C3orf70: variants seen among roughly 807,000 people sequenced by gnomAD.
The protein encoded by C3orf70 is UPF0524 protein C3orf70.
C3orf70 carries 15 observed loss-of-function variants against 20.7 expected under a neutral mutation model. That is an observed-to-expected ratio of 0.72 (90% CI 0.48 to 1.11). The LOEUF is 1.11. C3orf70 is among the 50% of genes most tolerant of loss of function. C3orf70 has a pLI of 0.00. For synonymous variants in C3orf70, 161 were observed against 125.7 expected (o/e 1.28, Z -1.88); for missense variants, 332 against 317.6 (o/e 1.05, Z -0.34).
intron 1 of C3orf70, among the ~76,000 whole-genome samples, chr3:185,143,409 T>G (rs1321899996): frequency 6.6e-6 from 1 of 152,172 alleles, no homozygotes; most frequent in African/African-American, 2.4e-5. Flanking sequence ...TATACAGAAG[T>G]ACATCTGTAT....
chr3:185,088,403 T>C (rs577649514), intron 1 of C3orf70, among the ~76,000 whole-genome samples: 2 of 152,356 alleles, frequency 1.3e-5, no homozygotes, highest in South Asian at 4.1e-4. Context: ...ATCTTGCCTG[T>C]ATTCATGTCA....
At chr3:185,115,720 T>C (rs556840796) in intron 1 of C3orf70, among the ~76,000 whole-genome samples, 171 of 152,338 alleles carry the variant, frequency 1.1e-3, no homozygotes, top group South Asian at 1.9e-3. Flanking sequence ...GTATGGCTTA[T>C]AAACAAAAGA....
rs1017646599 is a variant in C3orf70 at position 185,079,245 on chromosome 3, C to T, written c.*3762G>A. On this transcript the variant is annotated 3_prime_UTR_variant, in exon 2 of 2. Coordinates refer to ENST00000335012, the MANE Select transcript of C3orf70 (RefSeq NM_001025266.3). ...GCAGTGAGCCGAGATCGCGCCACTGCACTCCAGCCTGGGTGAAGGAGCGAG... is the reference window on the plus strand; with the variant it reads ...GCAGTGAGCCGAGATCGCGCCACTGTACTCCAGCCTGGGTGAAGGAGCGAG... 6.5e-5 allele frequency: 9 copies of T among 138,070 alleles called. No individual in the cohort carries two copies. Among genetic ancestry groups the T allele is most frequent in the Non-Finnish European group, 1.4e-4 (9 of 66,162 alleles). The allele number at this position is 138,070 out of a possible 1,614,324, so 8.6% of individuals were successfully genotyped here.
intron 1 of C3orf70, among the ~76,000 whole-genome samples, chr3:185,106,948 T>TA (rs1715957526): frequency 6.6e-6 from 1 of 152,198 alleles, no homozygotes; most frequent in Non-Finnish European, 1.5e-5. Context: ...GGACAGTGTA[T>TA]AGCACAGCTC....
chr3:185,097,510 C>A (rs1715733526), intron 1 of C3orf70, among the ~76,000 whole-genome samples: 1 of 152,156 alleles, frequency 6.6e-6, no homozygotes, highest in Non-Finnish European at 1.5e-5. Flanking sequence ...CCTGAAAGAA[C>A]AAGCTTAGGA....
Position 185,127,481 on chromosome 3 carries a change from C to T in C3orf70, c.196+25147G>A, listed in dbSNP as rs144351500. 2.6e-5 allele frequency among the ~76,000 whole-genome samples: 4 copies of T among 152,088 alleles called. No individual in the cohort carries two copies. The East Asian group carries it at 7.7e-4, about 29-fold the overall frequency. On this transcript the variant is annotated intron_variant, in intron 1 of 1. Coordinates refer to ENST00000335012, the MANE Select transcript of C3orf70 (RefSeq NM_001025266.3). Reference sequence around the variant, plus strand: ...TGAGATGGAGTCTCATTCTTGTCACCCAGGATGGAGTGCAGTGGCGCGATC... The same window carrying T: ...TGAGATGGAGTCTCATTCTTGTCACTCAGGATGGAGTGCAGTGGCGCGATC...
At chr3:185,089,433 G>A (rs1715520204) in intron 1 of C3orf70, among the ~76,000 whole-genome samples, 1 of 152,096 alleles carries the variant, frequency 6.6e-6, no homozygotes, top group African/African-American at 2.4e-5. Context: ...GGCAGTAGAA[G>A]ACATTACTCG....
Position 185,082,882 on chromosome 3 carries a change from A to G in C3orf70, c.*125T>C. On this transcript the variant is annotated 3_prime_UTR_variant, in exon 2 of 2. Transcript: ENST00000335012. ...CTAATCAGCATACCACTGAACTGCT[A>G]CGGTTGTTGGTTGGAGCGGGGCGGG... 3 of 850,402 alleles carry G rather than the reference A, an allele frequency of 3.5e-6. No individual in the cohort carries two copies. Among genetic ancestry groups the G allele is most frequent in the Non-Finnish European group, 5.6e-6 (3 of 533,306 alleles). The allele number at this position is 850,402 out of a possible 1,614,324, so 52.7% of individuals were successfully genotyped here. A position where few individuals can be genotyped will look rare whatever the true frequency, so the allele number is the denominator to read the frequency against.
chr3:185,111,092 G>A (rs1716062675), intron 1 of C3orf70, among the ~76,000 whole-genome samples: 1 of 152,028 alleles, frequency 6.6e-6, no homozygotes, highest in Admixed American at 6.6e-5. Flanking sequence ...CTCACACTAA[G>A]TACAAAAAGC....
intron 1 of C3orf70, among the ~76,000 whole-genome samples, chr3:185,135,228 G>GA (rs142195254): frequency 7.8e-4 from 117 of 149,194 alleles, no homozygotes; most frequent in Admixed American, 6.1e-3. Flanking sequence ...AAGCAACCAT[G>GA]AAAAAAAAAA....
chr3:185,102,445 T>C (rs7652980), intron 1 of C3orf70, among the ~76,000 whole-genome samples: 7,911 of 152,258 alleles, frequency 0.052, 667 homozygotes, highest in African/African-American at 0.18. Flanking sequence ...CCATGCTTGT[T>C]ATTAGAAAGA....
chr3:185,091,711 G>A (rs1272243964), intron 1 of C3orf70, among the ~76,000 whole-genome samples: 1 of 149,670 alleles, frequency 6.7e-6, no homozygotes, highest in African/African-American at 2.5e-5. Context: ...TGGAGGCAGA[G>A]TCTTGCTCTG....
Position 185,083,014 on chromosome 3 carries a change from GTCGTTTCTA to G in C3orf70, c.737_745del (p.Ile246_Thr248del), listed in dbSNP as rs780699508. The G allele has an allele frequency of 3.1e-6, 5 of 1,613,222 alleles. No homozygotes were observed. Among genetic ancestry groups the G allele is most frequent in the Middle Eastern group, 1.7e-4 (1 of 5,924 alleles). On this transcript the variant is annotated inframe_deletion, in exon 2 of 2. Transcript: ENST00000335012. ...GGCTTCCTGTCTGGACTCTCACACAGTCGTTTCTATCGTTTCAATCACTTCCAGGTCAGA... is the reference window on the plus strand; with the variant it reads ...GGCTTCCTGTCTGGACTCTCACACAGTCGTTTCAATCACTTCCAGGTCAGA...
At chr3:185,119,662 C>T (rs1428805152) in intron 1 of C3orf70, among the ~76,000 whole-genome samples, 4 of 151,994 alleles carry the variant, frequency 2.6e-5, no homozygotes, top group African/African-American at 4.8e-5. Context: ...AAAAGTACAT[C>T]ACTAATCTAT....
chr3:185,151,547 A>G (rs866646151), intron 1 of C3orf70, among the ~76,000 whole-genome samples: 1 of 152,332 alleles, frequency 6.6e-6, no homozygotes, highest in Middle Eastern at 3.4e-3. Context: ...ATGTGCCTGG[A>G]ATTTGTAAAG....
At chr3:185,127,288 T>G (rs1716431165) in intron 1 of C3orf70, among the ~76,000 whole-genome samples, 1 of 152,222 alleles carries the variant, frequency 6.6e-6, no homozygotes, top group African/African-American at 2.4e-5. Flanking sequence ...AAGGTGTTAC[T>G]GAAAAACTAA....
At chr3:185,144,451 TTTGC>T (rs1463327036) in intron 1 of C3orf70, among the ~76,000 whole-genome samples, 1 of 152,182 alleles carries the variant, frequency 6.6e-6, no homozygotes. Flanking sequence ...CACTAAGTAC[TTTGC>T]TTGCAATATA....
chr3:185,111,009 G>A (rs1009654513), intron 1 of C3orf70, among the ~76,000 whole-genome samples: 3 of 152,030 alleles, frequency 2.0e-5, no homozygotes, highest in South Asian at 2.1e-4. Flanking sequence ...TTCCTCTAGC[G>A]CTGCCGGGTT....
At chr3:185,086,294 T>G (rs1715458025) in intron 1 of C3orf70, among the ~76,000 whole-genome samples, 1 of 152,218 alleles carries the variant, frequency 6.6e-6, no homozygotes, top group Non-Finnish European at 1.5e-5. Flanking sequence ...AAGCTCTGTT[T>G]TTCTTTCTTG....
Sources: allele counts gnomAD v4.1 joint callset (sites outside exome capture counted in the v4.1 genomes callset), GRCh38; gene constraint gnomAD v4.1.1; transcripts MANE v1.5; gene names NCBI Gene and HGNC (gene_info 2026-07-23, HGNC 2026-07-21).